The following GRM1 variants were observed in gnomAD, a reference collection of about 807,000 sequenced individuals.
The protein encoded by GRM1 is glutamate metabotropic receptor 1, also known as metabotropic glutamate receptor 1.
In GRM1, 33 loss-of-function variants were observed where a neutral mutation model predicts 90.9. That is an observed-to-expected ratio of 0.36 (90% CI 0.28 to 0.49). The LOEUF is 0.49. Ranked by LOEUF, GRM1 falls within the 20% of genes least tolerant of loss-of-function variation. The pLI, the probability that GRM1 is intolerant of heterozygous loss-of-function variation, is 0.99. For synonymous variants in GRM1, 700 were observed against 613.2 expected, an observed-to-expected ratio of 1.14 and a Z score of -2.09; for missense variants, 1,190 against 1,534.3, an observed-to-expected ratio of 0.78 and a Z score of 3.75.
At chr6:146,316,744 G>A (rs1202105101) in intron 3 of GRM1, among the ~76,000 whole-genome samples, 1 of 151,822 alleles carries the variant, frequency 6.6e-6, no homozygotes, top group African/African-American at 2.4e-5. Flanking sequence ...TCTGATTGGG[G>A]ACTGTCTTTT....
chr6:146,433,884 G>T lies in GRM1; in HGVS notation c.2673G>T (p.Lys891Asn). The change falls in exon 8 of 8, where the codon AAG becomes AAT. Residue 891 changes from lysine to asparagine, a missense_variant. This residue lies in a region of GRM1 where 400 missense variants were observed against 360.8 expected (regional missense o/e 1.11). Transcript: ENST00000282753. ...AGAGNANSNG[K>N]SVSWSEPGGG... is the part of the protein sequence containing the mutation. ...ATTTTATTCATAGTTCTAATGGCAA[G>T]TCTGTGTCATGGTCTGAACCAGGTG... is the stretch of plus-strand genomic sequence containing the variant. The T allele has an allele frequency of 6.2e-7, 1 of 1,610,326 alleles. No homozygotes were observed. Among genetic ancestry groups the T allele is most frequent in the Non-Finnish European group, 8.5e-7 (1 of 1,176,542 alleles).
At chr6:146,204,308 A>C (rs1482429218) in intron 2 of GRM1, among the ~76,000 whole-genome samples, 2 of 152,234 alleles carry the variant, frequency 1.3e-5, no homozygotes, top group African/African-American at 2.4e-5. Context: ...CTATTGATGA[A>C]AGCATTTGCC....
intron 2 of GRM1, among the ~76,000 whole-genome samples, chr6:146,165,031 A>G (rs1777861194): frequency 1.3e-5 from 2 of 151,628 alleles, no homozygotes; most frequent in African/African-American, 2.4e-5. Context: ...CTCACTCATT[A>G]GGCCAACTTT....
At chr6:146,387,757 T>A (rs1389113874) in intron 6 of GRM1, among the ~76,000 whole-genome samples, 1 of 152,036 alleles carries the variant, frequency 6.6e-6, no homozygotes, top group Non-Finnish European at 1.5e-5. Flanking sequence ...AGGACACTGA[T>A]GGGATGGCAG....
intron 2 of GRM1, among the ~76,000 whole-genome samples, chr6:146,235,673 C>T (rs1358980782): frequency 7.1e-6 from 1 of 140,024 alleles, no homozygotes; most frequent in Non-Finnish European, 1.5e-5. Context: ...TAATGATGAG[C>T]CATCAAAGAC....
At chr6:146,202,073 G>A (rs994250617) in intron 2 of GRM1, among the ~76,000 whole-genome samples, 13 of 152,178 alleles carry the variant, frequency 8.5e-5, no homozygotes, top group Admixed American at 3.9e-4. Flanking sequence ...GATAGCCAGA[G>A]AGTGCATCCC....
At position 146,084,222 on chromosome 6, in the gene GRM1, G is replaced by T. The variant is rs562597068; in HGVS notation, c.700+54005G>T. 9.9e-5 allele frequency among the ~76,000 whole-genome samples: 15 copies of T among 151,408 alleles called. No homozygotes were observed. In the South Asian group the frequency reaches 3.1e-3, roughly 32 times the overall value. The stretch of plus-strand genomic sequence containing the variant: ...CATTGATTTTTTTGGAGGGTTTTTC[G>T]TGTCTCTATATCCTTCAGTTTTGCT... On this transcript the variant is annotated intron_variant, in intron 1 of 7. Coordinates refer to ENST00000282753, the MANE Select transcript of GRM1 (RefSeq NM_001278064.2).
At chr6:146,149,260 G>T (rs1357232274) in intron 1 of GRM1, among the ~76,000 whole-genome samples, 1 of 152,114 alleles carries the variant, frequency 6.6e-6, no homozygotes, top group Non-Finnish European at 1.5e-5. Context: ...AAAAGAGAAG[G>T]ACTTTCTTTG....
chr6:146,315,802 G>T (rs747721827), intron 3 of GRM1, among the ~76,000 whole-genome samples: 2 of 152,218 alleles, frequency 1.3e-5, no homozygotes, highest in African/African-American at 2.4e-5. Flanking sequence ...TGTGGCATCT[G>T]AGATAGCTAA....
chr6:146,129,737 G>C (rs1211129929), intron 1 of GRM1, among the ~76,000 whole-genome samples: 2 of 152,104 alleles, frequency 1.3e-5, no homozygotes, highest in Non-Finnish European at 2.9e-5. Flanking sequence ...TCATTATTAG[G>C]ATCTCCCTAT....
intron 1 of GRM1, among the ~76,000 whole-genome samples, chr6:146,073,529 A>G (rs1009959515): frequency 3.3e-5 from 5 of 152,200 alleles, no homozygotes; most frequent in Non-Finnish European, 5.9e-5. Flanking sequence ...AGACCAAAGG[A>G]CACAACCATA....
At chr6:146,422,597 T>C (rs1358050135) in intron 7 of GRM1, among the ~76,000 whole-genome samples, 1 of 152,186 alleles carries the variant, frequency 6.6e-6, no homozygotes, top group Non-Finnish European at 1.5e-5. Context: ...GAAGTGATCA[T>C]ACAATTGGAA....
At chr6:146,143,759 G>A (rs1776986200) in intron 1 of GRM1, among the ~76,000 whole-genome samples, 1 of 152,162 alleles carries the variant, frequency 6.6e-6, no homozygotes, top group South Asian at 2.1e-4. Flanking sequence ...TGAATACTGA[G>A]AATATGAAAA....
chr6:146,082,975 G>T (rs1403864808), intron 1 of GRM1, among the ~76,000 whole-genome samples: 1 of 152,076 alleles, frequency 6.6e-6, no homozygotes, highest in Non-Finnish European at 1.5e-5. Flanking sequence ...TGTATTCCTA[G>T]GTCTTTTATT....
intron 2 of GRM1, among the ~76,000 whole-genome samples, chr6:146,192,399 T>C: frequency 6.6e-6 from 1 of 152,206 alleles, no homozygotes; most frequent in Non-Finnish European, 1.5e-5. Flanking sequence ...AGAATTCTGG[T>C]TCTATAATTT....
At chr6:146,305,083 A>G (rs766779383) in intron 3 of GRM1, among the ~76,000 whole-genome samples, 17 of 150,868 alleles carry the variant, frequency 1.1e-4, no homozygotes, top group Non-Finnish European at 2.1e-4. Context: ...AACAGAAGTA[A>G]AGGAAAAGCA....
intron 7 of GRM1, among the ~76,000 whole-genome samples, chr6:146,418,083 C>T (rs1583470584): frequency 6.6e-6 from 1 of 152,180 alleles, no homozygotes; most frequent in Admixed American, 6.5e-5. Context: ...ACTAACTGTA[C>T]TCTACTGTGG....
chr6:146,248,113 C>G (rs1781136873), intron 2 of GRM1, among the ~76,000 whole-genome samples: 1 of 151,926 alleles, frequency 6.6e-6, no homozygotes, highest in Non-Finnish European at 1.5e-5. Context: ...AAGCCTTCCT[C>G]CTTTGCTTCC....
chr6:146,167,686 T>C (rs1281814239), intron 2 of GRM1, among the ~76,000 whole-genome samples: 2 of 152,142 alleles, frequency 1.3e-5, no homozygotes, highest in African/African-American at 4.8e-5. Context: ...TTAGTATCTT[T>C]TTTGGTGAAA....
Sources: allele counts gnomAD v4.1 joint callset (sites outside exome capture counted in the v4.1 genomes callset), GRCh38; gene constraint gnomAD v4.1.1; regional missense constraint gnomAD v4.1.1; transcripts MANE v1.5; gene names NCBI Gene and HGNC (gene_info 2026-07-23, HGNC 2026-07-21).